Variants in CDH18 observed in about 807,000 individuals in gnomAD.
The protein encoded by CDH18 is cadherin-18.
CDH18 carries 31 observed loss-of-function variants against 67.9 expected under a neutral mutation model. That is an observed-to-expected ratio of 0.46 (90% CI 0.34 to 0.62). The LOEUF (loss-of-function observed/expected upper bound fraction) is 0.62. Ranked by LOEUF, CDH18 falls within the 20% of genes least tolerant of loss-of-function variation. The pLI is 0.01. For missense variants in CDH18, 890 were observed against 975.5 expected (o/e 0.91, Z 1.17); for synonymous variants, 362 against 347.2 (o/e 1.04, Z -0.48).
chr5:20,145,525 T>G (rs1481091941), intron 2 of CDH18, among the ~76,000 whole-genome samples: 1 of 152,150 alleles, frequency 6.6e-6, no homozygotes, highest in Admixed American at 6.6e-5. Context: ...GAGTTTTTGT[T>G]TTTTGCTTCA....
chr5:20,573,122 A>G (rs1208253798), intron 1 of CDH18, among the ~76,000 whole-genome samples: 2 of 152,098 alleles, frequency 1.3e-5, no homozygotes, highest in Admixed American at 6.6e-5. Flanking sequence ...TTCTTACAGG[A>G]GAAATTACAG....
At chr5:19,919,273 CCTT>C (rs1234978747) in intron 2 of CDH18, among the ~76,000 whole-genome samples, 4 of 151,088 alleles carry the variant, frequency 2.6e-5, no homozygotes, top group African/African-American at 4.9e-5. Context: ...ATATTATAAT[CCTT>C]ATTATATGTA....
intron 1 of CDH18, among the ~76,000 whole-genome samples, chr5:20,439,519 G>A (rs1213468721): frequency 6.6e-6 from 1 of 151,542 alleles, no homozygotes; most frequent in East Asian, 1.9e-4. Context: ...TATTGTCAGC[G>A]TATTTCTTAT....
intron 1 of CDH18, among the ~76,000 whole-genome samples, chr5:20,309,948 A>G (rs552531760): frequency 5.3e-5 from 8 of 152,094 alleles, no homozygotes; most frequent in East Asian, 1.9e-4. Context: ...TAGTATTTCT[A>G]TCTAAGTTGC....
rs558735098 is a variant in CDH18 at position 19,477,146 on chromosome 5, A to T, written c.1883-3430T>A. ...TAAAAGGAGATATATATATATATTT[A>T]TATATATATATGTATAAAATCAAAA... On this transcript the variant is annotated intron_variant, in intron 12 of 12. Coordinates refer to ENST00000382275, the MANE Select transcript of CDH18 (RefSeq NM_004934.5). Among the ~76,000 whole-genome samples the T allele has an allele frequency of 4.9e-3, 716 of 146,762 alleles. 4 individuals carry two copies. Among genetic ancestry groups the T allele is most frequent in the African/African-American group, 7.2e-3 (288 of 40,196 alleles).
At chr5:19,555,778 C>T (rs1391414671) in intron 8 of CDH18, among the ~76,000 whole-genome samples, 1 of 152,150 alleles carries the variant, frequency 6.6e-6, no homozygotes, top group African/African-American at 2.4e-5. Context: ...AACTGATGTG[C>T]TCTTGAAAGC....
At chr5:20,150,599 TTAC>T (rs1291422004) in intron 2 of CDH18, among the ~76,000 whole-genome samples, 2 of 152,082 alleles carry the variant, frequency 1.3e-5, no homozygotes, top group Non-Finnish European at 2.9e-5. Flanking sequence ...TAGGTGGCAG[TTAC>T]AAGGGTAAAC....
intron 1 of CDH18, among the ~76,000 whole-genome samples, chr5:20,535,644 A>G (rs897669004): frequency 6.6e-6 from 1 of 152,114 alleles, no homozygotes; most frequent in Non-Finnish European, 1.5e-5. Flanking sequence ...AGTGTGCCAT[A>G]TAACTCAGGC....
At chr5:20,415,967 G>A (rs1475083062) in intron 1 of CDH18, among the ~76,000 whole-genome samples, 1 of 152,004 alleles carries the variant, frequency 6.6e-6, no homozygotes, top group African/African-American at 2.4e-5. Context: ...ACAGAATGGT[G>A]GTTGCCAGAA....
At chr5:19,513,516 T>C (rs1745448326) in intron 10 of CDH18, among the ~76,000 whole-genome samples, 2 of 152,166 alleles carry the variant, frequency 1.3e-5, no homozygotes, top group African/African-American at 4.8e-5. Flanking sequence ...TTCAAATAAC[T>C]AAGCTGTGAA....
intron 2 of CDH18, among the ~76,000 whole-genome samples, chr5:20,067,762 C>T (rs997995152): frequency 2.0e-5 from 3 of 152,004 alleles, no homozygotes; most frequent in African/African-American, 7.2e-5. Context: ...GATGAACATT[C>T]CCATATTTCA....
chr5:19,624,145 T>C (rs941293301), intron 5 of CDH18, among the ~76,000 whole-genome samples: 3 of 151,908 alleles, frequency 2.0e-5, no homozygotes, highest in Non-Finnish European at 2.9e-5. Flanking sequence ...GTAGTTGGGA[T>C]TGCGGGCGTG....
rs968347320 is a variant in CDH18, at chr5:19,770,524, A to G, written c.229-23288T>C. ...GTGACAATATAATTTAACAGAAACA[A>G]AGAGATTATTCTATCCCCAGAATTC... On this transcript the variant is annotated intron_variant, in intron 3 of 12. Coordinates refer to ENST00000382275, the MANE Select transcript of CDH18 (RefSeq NM_004934.5). Among the ~76,000 whole-genome samples the G allele has an allele frequency of 5.9e-5, 9 of 152,188 alleles. No individual in the cohort carries two copies. The East Asian group carries it at 1.5e-3, about 26-fold the overall frequency.
At chr5:19,691,432 G>T (rs535822993) in intron 5 of CDH18, among the ~76,000 whole-genome samples, 3 of 151,968 alleles carry the variant, frequency 2.0e-5, no homozygotes, top group East Asian at 1.9e-4. Context: ...AGACAAGTTG[G>T]AAAGGAGGAA....
intron 2 of CDH18, among the ~76,000 whole-genome samples, chr5:20,150,161 A>C (rs1728066360): frequency 1.3e-5 from 2 of 152,114 alleles, no homozygotes; most frequent in South Asian, 4.1e-4. Flanking sequence ...GACTTTAAGA[A>C]CTAGGTTTAA....
chr5:19,976,196 C>T (rs931918597), intron 2 of CDH18, among the ~76,000 whole-genome samples: 1 of 152,096 alleles, frequency 6.6e-6, no homozygotes, highest in Non-Finnish European at 1.5e-5. Context: ...TCCATAAATT[C>T]TGTTTAAAAA....
chr5:20,171,813 T>C (rs147683304), intron 2 of CDH18, among the ~76,000 whole-genome samples: 1,640 of 152,056 alleles, frequency 0.011, 31 homozygotes, highest in African/African-American at 0.037. Context: ...CAGAATGTTA[T>C]TGCTCAGGTT....
intron 2 of CDH18, among the ~76,000 whole-genome samples, chr5:20,251,002 C>T (rs540876321): frequency 2.5e-4 from 38 of 152,198 alleles, no homozygotes; most frequent in African/African-American, 8.9e-4. Context: ...GACTTAAAGC[C>T]ATGGAAACTT....
intron 2 of CDH18, among the ~76,000 whole-genome samples, chr5:20,223,805 C>T (rs1357226877): frequency 1.3e-5 from 2 of 152,008 alleles, no homozygotes; most frequent in Non-Finnish European, 2.9e-5. Flanking sequence ...TTCTCTCTTG[C>T]CTGCCACCAG....
Sources: allele counts gnomAD v4.1 joint callset (sites outside exome capture counted in the v4.1 genomes callset), GRCh38; gene constraint gnomAD v4.1.1; transcripts MANE v1.5; gene names NCBI Gene and HGNC (gene_info 2026-07-23, HGNC 2026-07-21).